LRRC75A: variants seen among roughly 807,000 people sequenced by gnomAD.
LRRC75A encodes the protein leucine rich repeat containing 75A.
A neutral mutation model predicts 26.0 loss-of-function variants in LRRC75A; 12 were observed. That is an observed-to-expected ratio of 0.46 (90% CI 0.30 to 0.75). LRRC75A has a LOEUF of 0.75. Ranked by LOEUF, LRRC75A falls within the 30% of genes least tolerant of loss-of-function variation. The pLI is 0.08. For missense variants in LRRC75A, 410 were observed against 486.6 expected, an observed-to-expected ratio of 0.84 and a Z score of 1.48; for synonymous variants, 223 against 219.3, an observed-to-expected ratio of 1.02 and a Z score of -0.15.
intron 2 of LRRC75A, among the ~76,000 whole-genome samples, chr17:16,457,879 T>TGGGA (rs2093697515): frequency 6.6e-6 from 1 of 151,542 alleles, no homozygotes; most frequent in Non-Finnish European, 1.5e-5. Context: ...GAAGGTGAGG[T>TGGGA]GGGAGGATCA....
chr17:16,451,773 A>C (rs1366561185), intron 2 of LRRC75A, among the ~76,000 whole-genome samples: 1 of 147,040 alleles, frequency 6.8e-6, no homozygotes, highest in Non-Finnish European at 1.5e-5. Context: ...GAGACGGAGT[A>C]TCGCTCTGTC....
chr17:16,478,972 A>G (rs774878724), intron 1 of LRRC75A, among the ~76,000 whole-genome samples: 6 of 152,218 alleles, frequency 3.9e-5, no homozygotes, highest in African/African-American at 1.4e-4. Flanking sequence ...CTCAGACCTC[A>G]TTCCCCCAGA....
At chr17:16,465,698 G>A (rs1020523290) in intron 1 of LRRC75A, among the ~76,000 whole-genome samples, 1 of 152,196 alleles carries the variant, frequency 6.6e-6, no homozygotes, top group Admixed American at 6.5e-5. Flanking sequence ...CCAGGAGGTT[G>A]GGCAGGTCTG....
chr17:16,448,598 G>A (rs534245029), intron 2 of LRRC75A, among the ~76,000 whole-genome samples: 18 of 152,302 alleles, frequency 1.2e-4, no homozygotes, highest in Admixed American at 3.9e-4. Flanking sequence ...ACAATCACAA[G>A]TTGATGTCCT....
chr17:16,464,197 T>G (rs1020006167), intron 1 of LRRC75A, among the ~76,000 whole-genome samples: 1 of 152,172 alleles, frequency 6.6e-6, no homozygotes, highest in African/African-American at 2.4e-5. Flanking sequence ...AACTGCCAGG[T>G]CCTGTGCCAG....
chr17:16,472,484 C>G (rs941621852), intron 1 of LRRC75A, among the ~76,000 whole-genome samples: 2 of 152,190 alleles, frequency 1.3e-5, no homozygotes, highest in Admixed American at 1.3e-4. Flanking sequence ...GTGGGCTTGA[C>G]TGCTCCAGAG....
chr17:16,473,536 G>A (rs1253332615), intron 1 of LRRC75A, among the ~76,000 whole-genome samples: 1 of 152,182 alleles, frequency 6.6e-6, no homozygotes, highest in Non-Finnish European at 1.5e-5. Flanking sequence ...CCAAGGAGGT[G>A]TCCATTAGCA....
chr17:16,475,719 C>T (rs1006850848), intron 1 of LRRC75A, among the ~76,000 whole-genome samples: 2 of 152,016 alleles, frequency 1.3e-5, no homozygotes, highest in Admixed American at 1.3e-4. Context: ...ACTACAGGTA[C>T]GTGCTACCAC....
At chr17:16,480,871 C>A (rs1394118148) in intron 1 of LRRC75A, among the ~76,000 whole-genome samples, 1 of 152,220 alleles carries the variant, frequency 6.6e-6, no homozygotes, top group Non-Finnish European at 1.5e-5. Flanking sequence ...AAGTTTTTCA[C>A]TGGGACAGAC....
chr17:16,483,082 G>C (rs1271216930), intron 1 of LRRC75A, among the ~76,000 whole-genome samples: 2 of 152,198 alleles, frequency 1.3e-5, no homozygotes, highest in African/African-American at 2.4e-5. Context: ...GATGTGCAAG[G>C]GGCCAGAGCA....
intron 2 of LRRC75A, among the ~76,000 whole-genome samples, chr17:16,454,340 C>T (rs1290475325): frequency 2.6e-5 from 4 of 151,746 alleles, no homozygotes; most frequent in African/African-American, 9.7e-5. Flanking sequence ...TCCAGTGAGC[C>T]GAGATCACGT....
intron 3 of LRRC75A, among the ~76,000 whole-genome samples, chr17:16,445,987 C>T (rs1247426779): frequency 6.6e-6 from 1 of 152,232 alleles, no homozygotes; most frequent in Non-Finnish European, 1.5e-5. Flanking sequence ...TGGCTCACTG[C>T]AACTTCCGCC....
intron 2 of LRRC75A, among the ~76,000 whole-genome samples, chr17:16,460,664 C>T (rs963281818): frequency 5.9e-5 from 9 of 152,248 alleles, no homozygotes; most frequent in Non-Finnish European, 8.8e-5. Flanking sequence ...TGGTTCTCCT[C>T]GGAGGTGTAA....
In LRRC75A at chr17:16,443,408, C is replaced by T. The variant is rs1396202557; in HGVS notation, c.*180G>A. ...ATAGGGGGCAGATGCAGAGGACCAA[C>T]GGGAAGTTTTAACACAAATCCCCTT... On this transcript the variant is annotated 3_prime_UTR_variant, in exon 4 of 4. Transcript: ENST00000470794. 3.5e-5 allele frequency: 20 copies of T among 571,018 alleles called. No homozygotes were observed. Among genetic ancestry groups the T allele is most frequent in the Middle Eastern group, 4.7e-4 (1 of 2,130 alleles). 35.4% of individuals were successfully genotyped at this position (571,018 alleles called of 1,614,324 possible). A position where few individuals can be genotyped will look rare whatever the true frequency, so the allele number is the denominator to read the frequency against.
At chr17:16,474,172 G>GT (rs1248224805) in intron 1 of LRRC75A, among the ~76,000 whole-genome samples, 1 of 34,066 alleles carries the variant, frequency 2.9e-5, no homozygotes, top group Non-Finnish European at 4.8e-5. Context: ...GGCTGACGGT[G>GT]GGGGACAGAC....
intron 2 of LRRC75A, among the ~76,000 whole-genome samples, chr17:16,456,504 G>C (rs866477553): frequency 6.6e-5 from 10 of 151,972 alleles, no homozygotes; most frequent in African/African-American, 2.4e-4. Context: ...AAGAGGAGGA[G>C]GAAGCTGGAC....
chr17:16,478,319 T>C (rs767107487), intron 1 of LRRC75A: 7 of 151,708 alleles, frequency 4.6e-5, no homozygotes, highest in Non-Finnish European at 1.0e-4. Context: ...TCCCAAGTAG[T>C]TGGGATTAGG....
At chr17:16,454,215 A>T (rs2093657972) in intron 2 of LRRC75A, among the ~76,000 whole-genome samples, 1 of 151,486 alleles carries the variant, frequency 6.6e-6, no homozygotes, top group South Asian at 2.1e-4. Context: ...ACACGGCGAA[A>T]CTCCATCTCT....
intron 2 of LRRC75A, among the ~76,000 whole-genome samples, chr17:16,458,238 C>T (rs1465525208): frequency 6.6e-6 from 1 of 151,870 alleles, no homozygotes; most frequent in East Asian, 2.0e-4. Context: ...ACCCGGGAGG[C>T]AGAGGTTGCA....
Sources: gnomAD v4.1 joint callset for allele counts (sites outside exome capture counted in the v4.1 genomes callset) on GRCh38, gnomAD v4.1.1 for gene constraint, MANE v1.5 for transcripts, NCBI Gene and HGNC (gene_info 2026-07-23, HGNC 2026-07-21) for gene names.